Variants in RPL26L1 observed in about 807,000 individuals in gnomAD.
The protein encoded by RPL26L1 is ribosomal protein uL24-like.
A neutral mutation model predicts 15.2 loss-of-function variants in RPL26L1; 8 were observed. That is an observed-to-expected ratio of 0.53 (90% CI 0.31 to 0.95). The LOEUF (loss-of-function observed/expected upper bound fraction) is 0.95. Ranked by LOEUF, RPL26L1 falls within the 40% of genes least tolerant of loss-of-function variation. RPL26L1 has a pLI of 0.05. For synonymous variants in RPL26L1, 51 were observed against 65.9 expected (o/e 0.77, Z 1.09); for missense variants, 146 against 190.9 (o/e 0.76, Z 1.39).
At chr5:172,958,279 A>AT (rs1755052624), upstream of RPL26L1, 1 of 402,022 alleles carries the variant, frequency 2.5e-6, no homozygotes, top group South Asian at 1.8e-5. Context: ...AAAAAAAAAA[A>AT]AAAAATCTAG....
upstream of RPL26L1, among the ~76,000 whole-genome samples, chr5:172,954,367 A>G (rs1764304660): frequency 6.6e-6 from 1 of 152,016 alleles, no homozygotes; most frequent in Non-Finnish European, 1.5e-5. Context: ...CAAGAGTTTG[A>G]GACCAGTCTG....
At chr5:172,965,422 C>T (rs1755415799) in intron 2 of RPL26L1, among the ~76,000 whole-genome samples, 1 of 152,138 alleles carries the variant, frequency 6.6e-6, no homozygotes, top group South Asian at 2.1e-4. Flanking sequence ...CCCCCTCAAA[C>T]ATCTATCCCC....
At chr5:172,969,057 C>A (rs1428386915) in intron 3 of RPL26L1, among the ~76,000 whole-genome samples, 3 of 152,010 alleles carry the variant, frequency 2.0e-5, no homozygotes, top group East Asian at 1.9e-4. Context: ...CCGCCCGCCT[C>A]GGCTTTCCAA....
chr5:172,966,895 C>T (rs375312118), intron 2 of RPL26L1, among the ~76,000 whole-genome samples: 73 of 150,896 alleles, frequency 4.8e-4, no homozygotes, highest in African/African-American at 1.7e-3. Flanking sequence ...CTCGCTCTGT[C>T]GCCAGCCTGG....
chr5:172,965,382 A>C (rs938180606), intron 2 of RPL26L1, among the ~76,000 whole-genome samples: 1 of 152,138 alleles, frequency 6.6e-6, no homozygotes, highest in Non-Finnish European at 1.5e-5. Flanking sequence ...TAAAAATAAA[A>C]AATAAAGGAA....
At chr5:172,967,092 G>T (rs1252529709) in intron 2 of RPL26L1, among the ~76,000 whole-genome samples, 1 of 151,730 alleles carries the variant, frequency 6.6e-6, no homozygotes, top group African/African-American at 2.4e-5. Flanking sequence ...TTGACCTCAT[G>T]ATCCACCGGC....
intron 2 of RPL26L1, among the ~76,000 whole-genome samples, chr5:172,962,510 A>C (rs549908913): frequency 2.7e-5 from 4 of 149,306 alleles, no homozygotes; most frequent in East Asian, 4.0e-4. Flanking sequence ...TCTGTCTCAA[A>C]AACAACAACA....
chr5:172,954,102 T>G (rs1326597627), upstream of RPL26L1, among the ~76,000 whole-genome samples: 1 of 152,208 alleles, frequency 6.6e-6, no homozygotes, highest in African/African-American at 2.4e-5. Context: ...TTATACCAGT[T>G]GTGCTTTTAT....
chr5:172,961,866 C>T (rs183172855), intron 2 of RPL26L1, among the ~76,000 whole-genome samples: 1 of 152,178 alleles, frequency 6.6e-6, no homozygotes, highest in South Asian at 2.1e-4. Context: ...ATCTGACTAC[C>T]TACTGAACAT....
At chr5:172,959,269 C>A, upstream of RPL26L1, 1 of 551,140 alleles carries the variant, frequency 1.8e-6, no homozygotes, top group Non-Finnish European at 2.3e-6. Flanking sequence ...AGGCCCTACA[C>A]AAGCAGGCCC....
chr5:172,969,555 T>C lies in RPL26L1; in HGVS notation c.*14T>C, dbSNP rs1161245724. 1 of 1,606,950 alleles carries C rather than the reference T, an allele frequency of 6.2e-7. No individual in the cohort carries two copies. The highest frequency in any genetic ancestry group is 8.5e-7 in the Non-Finnish European group (1 of 1,175,552). On this transcript the variant is annotated 3_prime_UTR_variant, in exon 4 of 4. Transcript: ENST00000265100. ...ATGCAGGAATAAATAGAACCTGTTG[T>C]GCAACCACGGTTTAACCGGAGATTT...
At chr5:172,962,845 T>C in intron 2 of RPL26L1, among the ~76,000 whole-genome samples, 1 of 151,166 alleles carries the variant, frequency 6.6e-6, no homozygotes, top group East Asian at 2.0e-4. Context: ...AAAAATCCTT[T>C]GGCAGTTTTA....
At position 172,967,467 on chromosome 5, in the gene RPL26L1, A is replaced by AAAATAAATAAATAAAT. The variant is rs568434838; in HGVS notation, c.169-985_169-970dup. On this transcript the variant is annotated intron_variant, in intron 2 of 3. Transcript: ENST00000265100. ...GGGAACAGAGCGAGACTCCGTGTCA[A>AAAATAAATAAATAAAT]AAATAAATAAATAAATAAATAAGCT... 6.7e-3 allele frequency among the ~76,000 whole-genome samples: 1,026 copies of AAAATAAATAAATAAAT among 152,068 alleles called. 3 individuals carry two copies. The highest frequency in any genetic ancestry group is 0.016 in the South Asian group (78 of 4,810).
upstream of RPL26L1, chr5:172,957,352 T>A: frequency 2.2e-6 from 1 of 446,472 alleles, no homozygotes; most frequent in Non-Finnish European, 4.5e-6. Flanking sequence ...CAAAAAGCCT[T>A]CCCTGCTCTG....
At chr5:172,958,481 G>A (rs139878364), upstream of RPL26L1, 4 of 455,524 alleles carry the variant, frequency 8.8e-6, no homozygotes, top group African/African-American at 4.0e-5. Flanking sequence ...GAACGAAAGG[G>A]AGAGTTGGAG....
chr5:172,959,483 G>C lies in RPL26L1; in HGVS notation c.-10+15G>C. 1 of 1,025,088 alleles carries C rather than the reference G, an allele frequency of 9.8e-7. No individual in the cohort carries two copies. Among genetic ancestry groups the C allele is most frequent in the Non-Finnish European group, 1.2e-6 (1 of 850,384 alleles). 63.5% of individuals were successfully genotyped at this position (1,025,088 alleles called of 1,614,324 possible). ...CTAGTAGCCGGGTGAGTGGAGGCTGGAGTTTTCTCGGACAGTGAACTCTAC... is the reference window on the plus strand; with the variant it reads ...CTAGTAGCCGGGTGAGTGGAGGCTGCAGTTTTCTCGGACAGTGAACTCTAC... On this transcript the variant is annotated intron_variant, in intron 1 of 3. Coordinates refer to ENST00000265100, the MANE Select transcript of RPL26L1 (RefSeq NM_016093.4).
At chr5:172,967,321 C>T (rs75244340) in intron 2 of RPL26L1, among the ~76,000 whole-genome samples, 3,585 of 152,102 alleles carry the variant, frequency 0.024, 119 homozygotes, top group African/African-American at 0.081. Flanking sequence ...AAAAATTAGC[C>T]AGGCCTGCTG....
chr5:172,969,126 G>C (rs1289345073), intron 3 of RPL26L1, among the ~76,000 whole-genome samples: 2 of 151,964 alleles, frequency 1.3e-5, no homozygotes, highest in African/African-American at 2.4e-5. Flanking sequence ...TCTTTAAGCT[G>C]GTTGCAAGAG....
At chr5:172,956,862 C>T (rs761955772), upstream of RPL26L1, 67 of 192,384 alleles carry the variant, frequency 3.5e-4, no homozygotes, top group Middle Eastern at 4.7e-3. Flanking sequence ...CACTTGAACC[C>T]GGGAGGTGGA....
Sources: gnomAD v4.1 joint callset for allele counts (sites outside exome capture counted in the v4.1 genomes callset) on GRCh38, gnomAD v4.1.1 for gene constraint, MANE v1.5 for transcripts, NCBI Gene and HGNC (gene_info 2026-07-23, HGNC 2026-07-21) for gene names.